The following GRIK3 variants were observed in gnomAD, a reference collection of about 807,000 sequenced individuals.
The protein encoded by GRIK3 is glutamate receptor ionotropic, kainate 3.
In GRIK3, 29 loss-of-function variants were observed where a neutral mutation model predicts 102.5. That is an observed-to-expected ratio of 0.28 (90% CI 0.21 to 0.39). The LOEUF is 0.39. GRIK3 is among the 10% of genes least tolerant of loss of function. The pLI, the probability that GRIK3 is intolerant of heterozygous loss-of-function variation, is 1.00. For missense variants in GRIK3, 908 were observed against 1,252.4 expected, an observed-to-expected ratio of 0.73 and a Z score of 4.15; for synonymous variants, 511 against 504.9, an observed-to-expected ratio of 1.01 and a Z score of -0.16.
chr1:37,013,842 G>A lies in GRIK3; in HGVS notation c.115+20152C>T, dbSNP rs147131829. Among the ~76,000 whole-genome samples, 23 of 152,318 alleles carry A rather than the reference G, an allele frequency of 1.5e-4. No homozygotes were observed. The East Asian group carries it at 4.0e-3, about 27-fold the overall frequency. ...TGGCCTGTGCCTCAGACCAGAACCT[G>A]GGCCAGCTGGGGAAAGCCCCAAGAC... On this transcript the variant is annotated intron_variant, in intron 1 of 15. Transcript: ENST00000373091.
At chr1:36,993,745 C>G (rs1642386517) in intron 1 of GRIK3, among the ~76,000 whole-genome samples, 1 of 152,172 alleles carries the variant, frequency 6.6e-6, no homozygotes, top group African/African-American at 2.4e-5. Flanking sequence ...ATTGCCTCAG[C>G]TAAAGAAAAC....
rs538634734 is a variant in GRIK3, at chr1:36,831,680, C to T, written c.1531-5854G>A. Among the ~76,000 whole-genome samples, 5 of 152,358 alleles carry T rather than the reference C, an allele frequency of 3.3e-5. No homozygotes were observed. In the South Asian group the frequency reaches 1.0e-3, roughly 32 times the overall value. On this transcript the variant is annotated intron_variant, in intron 10 of 15. Transcript: ENST00000373091. Reference sequence around the variant, plus strand: ...ATGAAAAGGTTCTCTGTTTGCACTGCCCAATATGGCAACTGCGGGCCACAC... The same window carrying T: ...ATGAAAAGGTTCTCTGTTTGCACTGTCCAATATGGCAACTGCGGGCCACAC...
At chr1:36,936,615 T>A (rs969296488) in intron 1 of GRIK3, among the ~76,000 whole-genome samples, 19 of 152,182 alleles carry the variant, frequency 1.2e-4, no homozygotes, top group Non-Finnish European at 1.5e-5. Flanking sequence ...CAGCTTTATT[T>A]ACTCCCCGGC....
chr1:36,925,784 G>T (rs569016615), intron 1 of GRIK3, among the ~76,000 whole-genome samples: 1 of 152,226 alleles, frequency 6.6e-6, no homozygotes, highest in Non-Finnish European at 1.5e-5. Flanking sequence ...CATCCTTGGG[G>T]AGGCAAGGGT....
At chr1:36,831,899 T>C (rs1359595) in intron 10 of GRIK3, among the ~76,000 whole-genome samples, 27,160 of 152,158 alleles carry the variant, frequency 0.18, 2,786 homozygotes, top group African/African-American at 0.28. Flanking sequence ...GCAGCCCCTC[T>C]GATCCATGTT....
At chr1:36,868,973 G>A (rs992028859) in intron 5 of GRIK3, among the ~76,000 whole-genome samples, 6 of 152,184 alleles carry the variant, frequency 3.9e-5, no homozygotes, top group Non-Finnish European at 5.9e-5. Flanking sequence ...TTTGAAAAGC[G>A]ACAGGATGGT....
intron 1 of GRIK3, among the ~76,000 whole-genome samples, chr1:36,993,597 G>C (rs573611990): frequency 1.3e-5 from 2 of 152,314 alleles, no homozygotes; most frequent in African/African-American, 4.8e-5. Context: ...GCATCCTCAC[G>C]GTGAAGTGAT....
chr1:36,870,711 T>C (rs1234484115), intron 4 of GRIK3, among the ~76,000 whole-genome samples: 1 of 152,104 alleles, frequency 6.6e-6, no homozygotes, highest in Non-Finnish European at 1.5e-5. Flanking sequence ...GACCTGGGAG[T>C]CCATTCTGGC....
chr1:36,944,197 G>C (rs1295394041), intron 1 of GRIK3, among the ~76,000 whole-genome samples: 1 of 152,242 alleles, frequency 6.6e-6, no homozygotes, highest in Non-Finnish European at 1.5e-5. Flanking sequence ...AATGAAAAAG[G>C]GGTGGAGGGA....
intron 5 of GRIK3, among the ~76,000 whole-genome samples, chr1:36,867,176 T>C (rs907547005): frequency 6.6e-6 from 1 of 152,200 alleles, no homozygotes; most frequent in African/African-American, 2.4e-5. Context: ...CTAGAGACTT[T>C]AGCACACCAC....
At chr1:36,997,947 A>G (rs1400289785) in intron 1 of GRIK3, among the ~76,000 whole-genome samples, 6 of 152,184 alleles carry the variant, frequency 3.9e-5, no homozygotes, top group Non-Finnish European at 8.8e-5. Context: ...CTCTCCCTCA[A>G]CTAGAATTTA....
chr1:36,986,441 T>G (rs1222754685), intron 1 of GRIK3, among the ~76,000 whole-genome samples: 1 of 146,920 alleles, frequency 6.8e-6, no homozygotes, highest in Non-Finnish European at 1.5e-5. Flanking sequence ...CATCCATCCA[T>G]CCATCCATCC....
intron 1 of GRIK3, among the ~76,000 whole-genome samples, chr1:36,979,849 C>T (rs1219344365): frequency 8.5e-5 from 13 of 152,182 alleles, no homozygotes. Context: ...AGGGTTGAAA[C>T]CATACTGCTC....
rs1029665079 is a variant in GRIK3, at chr1:36,945,163, G to A, written c.116-54067C>T. Among the ~76,000 whole-genome samples, 4 of 152,252 alleles carry A rather than the reference G, an allele frequency of 2.6e-5. 1 individual carries two copies. The highest frequency in any genetic ancestry group is 1.5e-5 in the Non-Finnish European group (1 of 68,054). On this transcript the variant is annotated intron_variant, in intron 1 of 15. Transcript: ENST00000373091. ...TCTCAAGCAGGCCTCATCAAAGGCCGGTGTCGAGCTAATTTAATGATCTAA... is the reference window on the plus strand; with the variant it reads ...TCTCAAGCAGGCCTCATCAAAGGCCAGTGTCGAGCTAATTTAATGATCTAA...
chr1:36,809,331 C>T (rs114170034), intron 13 of GRIK3, among the ~76,000 whole-genome samples: 1,625 of 152,214 alleles, frequency 0.011, 32 homozygotes, highest in African/African-American at 0.037. Flanking sequence ...TATTACTTAT[C>T]TATCCATCCA....
Position 36,968,364 on chromosome 1 carries a change from C to T in GRIK3, c.115+65630G>A, listed in dbSNP as rs186138549. 5.8e-3 allele frequency among the ~76,000 whole-genome samples: 886 copies of T among 152,118 alleles called. 10 individuals are homozygous for T. Among genetic ancestry groups the T allele is most frequent in the African/African-American group, 0.02 (850 of 41,482 alleles). On this transcript the variant is annotated intron_variant, in intron 1 of 15. Coordinates refer to ENST00000373091, the MANE Select transcript of GRIK3 (RefSeq NM_000831.4). ...TCCCCCACCATCACTACCACTACCC[C>T]GCAGGGCAGGATAACTGGTGGCCAT...
intron 1 of GRIK3, among the ~76,000 whole-genome samples, chr1:36,958,106 C>T (rs58866476): frequency 7.5e-6 from 1 of 132,746 alleles, no homozygotes; most frequent in Non-Finnish European, 1.6e-5. Flanking sequence ...AGCCTGTGTG[C>T]CCCGTGAGTC....
chr1:36,966,599 T>A (rs910008834), intron 1 of GRIK3, among the ~76,000 whole-genome samples: 1 of 152,050 alleles, frequency 6.6e-6, no homozygotes, highest in African/African-American at 2.4e-5. Context: ...CTAAGGCAGA[T>A]CCTAATCTTT....
At chr1:36,883,226 C>T (rs574665633) in intron 2 of GRIK3, among the ~76,000 whole-genome samples, 7 of 152,318 alleles carry the variant, frequency 4.6e-5, no homozygotes, top group Middle Eastern at 3.4e-3. Context: ...AACTGTTAAA[C>T]GAAACACGTC....
Sources: gnomAD v4.1 joint callset for allele counts (sites outside exome capture counted in the v4.1 genomes callset) on GRCh38, gnomAD v4.1.1 for gene constraint, MANE v1.5 for transcripts, NCBI Gene and HGNC (gene_info 2026-07-23, HGNC 2026-07-21) for gene names.